The following ZNF385D variants were observed in gnomAD, a reference collection of about 807,000 sequenced individuals.
ZNF385D encodes zinc finger protein 659.
Under a neutral mutation model 35.8 loss-of-function variants are expected in ZNF385D, and 15 were observed. The observed-to-expected ratio is 0.42, with a 90% confidence interval of 0.28 to 0.64. ZNF385D has a LOEUF of 0.64. ZNF385D is among the 30% of genes least tolerant of loss of function. The pLI is 0.23. For missense variants in ZNF385D, 474 were observed against 494.6 expected, an observed-to-expected ratio of 0.96 and a Z score of 0.39; for synonymous variants, 212 against 186.8, an observed-to-expected ratio of 1.13 and a Z score of -1.10.
chr3:22,245,476 GCCA>G (rs1699725032), intron 2 of ZNF385D, among the ~76,000 whole-genome samples: 1 of 76,188 alleles, frequency 1.3e-5, no homozygotes, highest in African/African-American at 9.4e-5. Flanking sequence ...GACAGGATAA[GCCA>G]AAAAAAAAAA....
At chr3:21,941,488 C>T (rs1291476415) in intron 3 of ZNF385D, among the ~76,000 whole-genome samples, 7 of 100,624 alleles carry the variant, frequency 7.0e-5, no homozygotes, top group African/African-American at 2.4e-4. Context: ...AATTCCATTA[C>T]TCTTTTTTTT....
At chr3:21,962,517 G>C (rs1160651833) in intron 3 of ZNF385D, among the ~76,000 whole-genome samples, 1 of 152,188 alleles carries the variant, frequency 6.6e-6, no homozygotes, top group Admixed American at 6.5e-5. Flanking sequence ...AAAAGGTTTG[G>C]TCTGCATTTT....
intron 5 of ZNF385D, among the ~76,000 whole-genome samples, chr3:21,431,447 C>T (rs115984210): frequency 0.024 from 3,587 of 152,154 alleles, 123 homozygotes; most frequent in Admixed American, 0.089. Flanking sequence ...AAAAATATTC[C>T]ATATCTATAC....
intron 3 of ZNF385D, among the ~76,000 whole-genome samples, chr3:21,522,736 T>C (rs1444589651): frequency 6.6e-6 from 1 of 152,164 alleles, no homozygotes; most frequent in Non-Finnish European, 1.5e-5. Flanking sequence ...TGGCAATGAC[T>C]CTAGAAGCCT....
At chr3:22,094,733 C>T (rs1031215187) in intron 3 of ZNF385D, among the ~76,000 whole-genome samples, 2 of 151,982 alleles carry the variant, frequency 1.3e-5, no homozygotes, top group Middle Eastern at 3.4e-3. Context: ...ACTGAGGTGG[C>T]CACACTGGGA....
intron 3 of ZNF385D, among the ~76,000 whole-genome samples, chr3:21,812,257 C>A (rs995604850): frequency 9.2e-5 from 14 of 152,224 alleles, no homozygotes; most frequent in Non-Finnish European, 1.3e-4. Context: ...ATAGGAACAG[C>A]TCCAGTCTAC....
Position 21,694,042 on chromosome 3 carries a change from C to CTTTTTTTTTTTTTTTTTTTTT in ZNF385D, c.23-29015_23-29014insAAAAAAAAAAAAAAAAAAAAA, listed in dbSNP as rs35586361. Among the ~76,000 whole-genome samples the CTTTTTTTTTTTTTTTTTTTTT allele has an allele frequency of 7.0e-3, 155 of 22,156 alleles. 36 individuals carry two copies. The highest frequency in any genetic ancestry group is 8.7e-3 in the Non-Finnish European group (103 of 11,788). The allele number at this position is 22,156 out of a possible 152,430, so 14.5% of individuals were successfully genotyped here. A position where few individuals can be genotyped will look rare whatever the true frequency, so the allele number is the denominator to read the frequency against. On this transcript the variant is annotated intron_variant, in intron 1 of 7. Transcript: ENST00000281523. ...TACAGGCGCGTGCCACTACGCCTGG[C>CTTTTTTTTTTTTTTTTTTTTT]TTTTTTTTTTTTTTTTTTTGAGACA...
chr3:22,036,624 A>C (rs1178055444), intron 3 of ZNF385D, among the ~76,000 whole-genome samples: 1 of 152,094 alleles, frequency 6.6e-6, no homozygotes, highest in Non-Finnish European at 1.5e-5. Context: ...GTTGCTTACA[A>C]ATTGCAAAAA....
chr3:21,584,198 CA>C (rs34151851), intron 2 of ZNF385D, among the ~76,000 whole-genome samples: 30,584 of 151,888 alleles, frequency 0.2, 3,869 homozygotes, highest in Middle Eastern at 0.29. Context: ...AGGCTGGTCT[CA>C]AAGTCCTGAC....
chr3:22,157,472 C>G (rs1425595180), intron 3 of ZNF385D, among the ~76,000 whole-genome samples: 1 of 151,492 alleles, frequency 6.6e-6, no homozygotes, highest in African/African-American at 2.4e-5. Context: ...TTAATAACAC[C>G]CCCAGATGTA....
intron 3 of ZNF385D, among the ~76,000 whole-genome samples, chr3:21,884,443 G>T (rs55686245): frequency 9.9e-5 from 15 of 151,974 alleles, no homozygotes; most frequent in Non-Finnish European, 1.8e-4. Flanking sequence ...CCTCAACTCT[G>T]CTATTAAGTT....
intron 2 of ZNF385D, among the ~76,000 whole-genome samples, chr3:21,633,445 A>G (rs563424042): frequency 1.9e-4 from 29 of 152,210 alleles, no homozygotes; most frequent in African/African-American, 7.0e-4. Flanking sequence ...AAAGCAAAAC[A>G]AGAAAGAAAG....
At chr3:21,797,740 G>A (rs188445736) in intron 3 of ZNF385D, among the ~76,000 whole-genome samples, 6 of 152,254 alleles carry the variant, frequency 3.9e-5, no homozygotes, top group Admixed American at 3.9e-4. Context: ...AGTGAAACGA[G>A]CAAATTTGAA....
At chr3:21,877,723 G>C (rs918687432) in intron 3 of ZNF385D, 1 of 151,956 alleles carries the variant, frequency 6.6e-6, no homozygotes, top group African/African-American at 2.4e-5. Context: ...GATAGAATTG[G>C]GATTTGTAAT....
intron 3 of ZNF385D, among the ~76,000 whole-genome samples, chr3:21,918,601 A>T (rs1175986011): frequency 1.3e-5 from 2 of 152,168 alleles, no homozygotes; most frequent in Non-Finnish European, 2.9e-5. Context: ...AGCATACATG[A>T]GAGGAAAAGT....
intron 2 of ZNF385D, among the ~76,000 whole-genome samples, chr3:22,331,459 A>G (rs1208475894): frequency 6.6e-6 from 1 of 152,204 alleles, no homozygotes; most frequent in Non-Finnish European, 1.5e-5. Flanking sequence ...ATAGCTATAT[A>G]TGACCATAAC....
intron 3 of ZNF385D, among the ~76,000 whole-genome samples, chr3:21,557,425 GT>G (rs2062781139): frequency 6.6e-6 from 1 of 152,160 alleles, no homozygotes; most frequent in South Asian, 2.1e-4. Flanking sequence ...AGATAATCAT[GT>G]GGTTTTTGTC....
rs1169065535 is a variant in ZNF385D at position 21,968,011 on chromosome 3, T to C, written c.325+200806A>G. On this transcript the variant is annotated intron_variant, in intron 3 of 5. Coordinates refer to the ZNF385D transcript ENST00000494108. ...TTAAGGAAAGAGACACTGAAGTAGG[T>C]AGGAAAGAAAGTCTTGAATAGCTTA... is the stretch of plus-strand genomic sequence containing the variant. Among the ~76,000 whole-genome samples, 3 of 152,032 alleles carry C rather than the reference T, an allele frequency of 2.0e-5. No individual in the cohort carries two copies. The East Asian group carries it at 5.8e-4, about 29-fold the overall frequency.
intron 3 of ZNF385D, among the ~76,000 whole-genome samples, chr3:22,142,508 G>T (rs951482418): frequency 6.6e-6 from 1 of 152,070 alleles, no homozygotes; most frequent in Admixed American, 6.6e-5. Context: ...CAATTTGTTT[G>T]TATACATATT....
Sources: gnomAD v4.1 joint callset for allele counts (sites outside exome capture counted in the v4.1 genomes callset) on GRCh38, gnomAD v4.1.1 for gene constraint, MANE v1.5 for transcripts, NCBI Gene and HGNC (gene_info 2026-07-23, HGNC 2026-07-21) for gene names.